Variants in NXPE2 observed in about 807,000 individuals in gnomAD.
NXPE2 encodes neurexophilin and PC-esterase domain family member 2.
NXPE2 carries 34 observed loss-of-function variants against 34.4 expected under a neutral mutation model. The ratio of observed to expected loss-of-function variants is 0.99; its 90% CI spans 0.75 to 1.31. The LOEUF is 1.31. Ranked by LOEUF, NXPE2 falls within the 40% of genes most tolerant of loss-of-function variation. NXPE2 has a pLI of 0.00. For synonymous variants in NXPE2, 235 were observed against 231.3 expected, an observed-to-expected ratio of 1.02 and a Z score of -0.15; for missense variants, 649 against 672.5, an observed-to-expected ratio of 0.97 and a Z score of 0.39.
At chr11:114,522,633 G>T in the NXPE2 span, 1 of 796,408 alleles carries the variant, frequency 1.3e-6, no homozygotes, top group Non-Finnish European at 1.9e-6. Context: ...ACTCTCTAGG[G>T]TACAGTACCC....
At chr11:114,522,014 T>C in the NXPE2 span, 2 of 1,613,628 alleles carry the variant, frequency 1.2e-6, no homozygotes, top group East Asian at 4.5e-5. Context: ...TCCAATCACA[T>C]GATCAGGTGG....
the NXPE2 span, among the ~76,000 whole-genome samples, chr11:114,656,976 T>G: frequency 6.6e-6 from 1 of 152,000 alleles, no homozygotes; most frequent in Admixed American, 6.6e-5. Context: ...CACCTGTAGT[T>G]CCAGCTACTC....
the NXPE2 span, among the ~76,000 whole-genome samples, chr11:114,481,982 G>A: frequency 6.6e-6 from 1 of 152,022 alleles, no homozygotes; most frequent in Admixed American, 6.6e-5. Flanking sequence ...CATAGCACAG[G>A]TACCATTAAG....
At chr11:114,540,837 C>CTT in the NXPE2 span, among the ~76,000 whole-genome samples, 2 of 47,470 alleles carry the variant, frequency 4.2e-5, no homozygotes, top group Admixed American at 3.1e-4. Context: ...AGAAAGCCAT[C>CTT]TTTTTTTTTT....
At chr11:114,745,374 A>C in the NXPE2 span, among the ~76,000 whole-genome samples, 1 of 152,156 alleles carries the variant, frequency 6.6e-6, no homozygotes, top group Non-Finnish European at 1.5e-5. Flanking sequence ...AGCAGAGGAG[A>C]TGCCAGGTTA....
chr11:114,679,821 C>A (rs1195411508), intron 2 of NXPE2, 59 bp downstream of exon 2: 8 of 958,230 alleles, frequency 8.3e-6, no homozygotes, highest in African/African-American at 1.6e-5. Context: ...ATTTGAATGA[C>A]CCCCTTTATC....
chr11:114,789,711 C>G, the NXPE2 span, among the ~76,000 whole-genome samples: 1 of 152,154 alleles, frequency 6.6e-6, no homozygotes, highest in Non-Finnish European at 1.5e-5. Flanking sequence ...CCTGAAGGGC[C>G]GGCCTCTTGA....
the NXPE2 span, among the ~76,000 whole-genome samples, chr11:114,741,629 T>C: frequency 6.6e-6 from 1 of 152,210 alleles, no homozygotes; most frequent in Admixed American, 6.5e-5. Flanking sequence ...ATTTCATTCA[T>C]TATATTCTTC....
chr11:114,725,302 T>C, the NXPE2 span, among the ~76,000 whole-genome samples: 6 of 152,114 alleles, frequency 3.9e-5, no homozygotes, highest in Admixed American at 2.0e-4. Flanking sequence ...TGCCTTGACA[T>C]CCATTTTTAA....
chr11:114,535,274 G>A, the NXPE2 span, among the ~76,000 whole-genome samples: 4 of 152,148 alleles, frequency 2.6e-5, no homozygotes, highest in African/African-American at 9.7e-5. Context: ...AAGAGCTCCT[G>A]AAGGAAGCAC....
chr11:114,528,872 G>T, the NXPE2 span: 15 of 636,398 alleles, frequency 2.4e-5, no homozygotes, highest in African/African-American at 3.6e-5. Context: ...ATCCTTACTA[G>T]GATTTAGGCA....
At chr11:114,718,449 A>G in the NXPE2 span, among the ~76,000 whole-genome samples, 2 of 152,196 alleles carry the variant, frequency 1.3e-5, no homozygotes, top group African/African-American at 4.8e-5. Flanking sequence ...TATTAATCCA[A>G]TCATCACTTC....
the NXPE2 span, among the ~76,000 whole-genome samples, chr11:114,802,488 G>C: frequency 6.6e-6 from 1 of 152,218 alleles, no homozygotes; most frequent in Admixed American, 6.5e-5. Context: ...CAGGCCAGGA[G>C]AACAGAATAA....
the NXPE2 span, among the ~76,000 whole-genome samples, chr11:114,725,562 A>G: frequency 1.3e-5 from 2 of 151,946 alleles, no homozygotes; most frequent in Non-Finnish European, 2.9e-5. Flanking sequence ...AGGAAAGCAT[A>G]AATGATAATG....
chr11:114,712,180 C>T, the NXPE2 span, among the ~76,000 whole-genome samples: 95 of 152,022 alleles, frequency 6.2e-4, no homozygotes, highest in African/African-American at 2.2e-3. Flanking sequence ...AATGTAAGAT[C>T]CAAAACTATT....
chr11:114,573,289 A>G, the NXPE2 span, among the ~76,000 whole-genome samples: 7 of 152,296 alleles, frequency 4.6e-5, no homozygotes, highest in South Asian at 1.0e-3. Flanking sequence ...ACATGAAATA[A>G]TGCAATGAAA....
At chr11:114,680,946 A>G (rs1352461846) in intron 2 of NXPE2, among the ~76,000 whole-genome samples, 1 of 152,124 alleles carries the variant, frequency 6.6e-6, no homozygotes, top group East Asian at 1.9e-4. Context: ...TCATCCCCTA[A>G]CAAAAACAAA....
chr11:114,499,596 A>C, the NXPE2 span, among the ~76,000 whole-genome samples: 1 of 152,182 alleles, frequency 6.6e-6, no homozygotes, highest in African/African-American at 2.4e-5. Flanking sequence ...TACGTATCTT[A>C]AGGGTACAAT....
chr11:114,656,955 G>A, the NXPE2 span, among the ~76,000 whole-genome samples: 3 of 152,088 alleles, frequency 2.0e-5, no homozygotes, highest in Non-Finnish European at 4.4e-5. Flanking sequence ...TTAGCCAGGC[G>A]TGGTGGTGGA....
Sources: gnomAD v4.1 joint callset for allele counts (sites outside exome capture counted in the v4.1 genomes callset) on GRCh38, gnomAD v4.1.1 for gene constraint, MANE v1.5 for transcripts, NCBI Gene and HGNC (gene_info 2026-07-23, HGNC 2026-07-21) for gene names.